RFX3: variants seen among roughly 807,000 people sequenced by gnomAD.
RFX3 encodes the protein regulatory factor X3, also known as transcription factor RFX3.
RFX3 carries 14 observed loss-of-function variants against 98.6 expected under a neutral mutation model. The ratio of observed to expected loss-of-function variants is 0.14; its 90% confidence interval spans 0.09 to 0.22. The LOEUF (loss-of-function observed/expected upper bound fraction) is 0.22, where lower values mean the gene tolerates loss of function less well. RFX3 is among the 10% of genes least tolerant of loss of function. The pLI, the probability that RFX3 is intolerant of heterozygous loss-of-function variation, is 1.00. For synonymous variants in RFX3, 383 were observed against 328.4 expected, an observed-to-expected ratio of 1.17 and a Z score of -1.80; for missense variants, 639 against 926.9, an observed-to-expected ratio of 0.69 and a Z score of 4.03.
intron 1 of RFX3, among the ~76,000 whole-genome samples, chr9:3,459,475 C>T (rs991462327): frequency 6.6e-6 from 1 of 152,050 alleles, no homozygotes. Context: ...ATAAAATTGG[C>T]GCAGTTACTG....
At chr9:3,330,572 A>C in intron 3 of RFX3, 55 bp from the exon 4 acceptor site, 1 of 1,491,566 alleles carries the variant, frequency 6.7e-7, no homozygotes, top group Non-Finnish European at 9.1e-7. Context: ...CATCTTATTA[A>C]TTTTTTTCTA....
chr9:3,397,560 GTAA>G (rs1287597670), intron 1 of RFX3, among the ~76,000 whole-genome samples: 2 of 152,052 alleles, frequency 1.3e-5, no homozygotes, highest in Non-Finnish European at 2.9e-5. Flanking sequence ...TTCTTATTTT[GTAA>G]ACGAGGAACC....
At chr9:3,442,414 T>C (rs1194110891) in intron 1 of RFX3, among the ~76,000 whole-genome samples, 1 of 152,032 alleles carries the variant, frequency 6.6e-6, no homozygotes, top group East Asian at 1.9e-4. Context: ...AAAAAGTATC[T>C]GGCCAGTACT....
intron 1 of RFX3, among the ~76,000 whole-genome samples, chr9:3,428,093 T>C (rs1185231143): frequency 6.6e-6 from 1 of 152,166 alleles, no homozygotes; most frequent in Non-Finnish European, 1.5e-5. Flanking sequence ...CTGTCTGTTG[T>C]CCAACATGTG....
intron 2 of RFX3, 60 bp downstream of exon 2, chr9:3,395,412 T>A: frequency 2.5e-6 from 4 of 1,590,786 alleles, no homozygotes; most frequent in Non-Finnish European, 3.4e-6. Flanking sequence ...GATACAGGTA[T>A]GTTGGACAGC....
chr9:3,428,120 ATTTTGTTCAGTTTT>A (rs1844293471), intron 1 of RFX3, among the ~76,000 whole-genome samples: 1 of 152,070 alleles, frequency 6.6e-6, no homozygotes, highest in Admixed American at 6.6e-5. Context: ...TGCCTCATAT[ATTTTGTTCAGTTTT>A]ATCACTGTTT....
intron 2 of RFX3, among the ~76,000 whole-genome samples, chr9:3,370,405 A>C (rs1837706837): frequency 6.6e-6 from 1 of 151,870 alleles, no homozygotes; most frequent in Non-Finnish European, 1.5e-5. Context: ...TCTGTGGTTC[A>C]AAACAGTCTT....
intron 11 of RFX3, 21 bp from the exon 12 acceptor site, chr9:3,266,326 G>A (rs757837789): frequency 1.3e-6 from 2 of 1,506,186 alleles, no homozygotes; most frequent in Admixed American, 3.5e-5. Flanking sequence ...AAGAATAAAA[G>A]CAGGATAAAA....
chr9:3,358,656 A>G (rs1836051574), intron 2 of RFX3, among the ~76,000 whole-genome samples: 1 of 152,108 alleles, frequency 6.6e-6, no homozygotes, highest in African/African-American at 2.4e-5. Flanking sequence ...CGGTAACACC[A>G]TTTTTATTAT....
intron 14 of RFX3, among the ~76,000 whole-genome samples, chr9:3,254,971 T>A (rs1419117777): frequency 1.3e-5 from 2 of 152,158 alleles, no homozygotes; most frequent in African/African-American, 4.8e-5. Context: ...GTGTTAAATA[T>A]ATGAGAGGCA....
At chr9:3,414,625 C>T (rs930536687) in intron 1 of RFX3, among the ~76,000 whole-genome samples, 13 of 118,340 alleles carry the variant, frequency 1.1e-4, no homozygotes, top group African/African-American at 2.1e-4. Flanking sequence ...CTGCAATATA[C>T]GAGTGTATAT....
chr9:3,342,447 C>T (rs1833993599), intron 3 of RFX3, among the ~76,000 whole-genome samples: 1 of 152,066 alleles, frequency 6.6e-6, no homozygotes, highest in South Asian at 2.1e-4. Context: ...AACAGATATC[C>T]ATACAATGCA....
intron 14 of RFX3, among the ~76,000 whole-genome samples, chr9:3,249,530 T>C (rs1821109559): frequency 6.6e-6 from 1 of 152,164 alleles, no homozygotes; most frequent in Non-Finnish European, 1.5e-5. Context: ...TATTCAAATA[T>C]AAGTGATTGT....
Position 3,456,920 on chromosome 9 carries a change from G to A in RFX3, c.-8-61324C>T, listed in dbSNP as rs995027633. ...TCCCAGCACTCTGGGAGGCTGAGGC[G>A]GGTGGATCATGAGGTCAAGAGATCG... is the stretch of plus-strand genomic sequence containing the variant. On this transcript the variant is annotated intron_variant, in intron 1 of 16. Coordinates refer to ENST00000617270, the MANE Select transcript of RFX3 (RefSeq NM_001282116.2). 4.0e-5 allele frequency among the ~76,000 whole-genome samples: 6 copies of A among 151,700 alleles called. No homozygotes were observed. In the South Asian group the frequency reaches 8.3e-4, roughly 21 times the overall value.
At chr9:3,488,461 A>G (rs1850456933) in intron 1 of RFX3, among the ~76,000 whole-genome samples, 1 of 152,194 alleles carries the variant, frequency 6.6e-6, no homozygotes, top group Admixed American at 6.5e-5. Flanking sequence ...ACTCAGTGAT[A>G]AGGGAAAAGA....
At chr9:3,521,150 A>C (rs1482044336) in intron 1 of RFX3, among the ~76,000 whole-genome samples, 1 of 152,208 alleles carries the variant, frequency 6.6e-6, no homozygotes, top group Non-Finnish European at 1.5e-5. Context: ...AATCATATGA[A>C]ATTTAAGAAG....
chr9:3,519,847 A>G (rs1033112562), intron 1 of RFX3, among the ~76,000 whole-genome samples: 1 of 152,204 alleles, frequency 6.6e-6, no homozygotes, highest in Non-Finnish European at 1.5e-5. Flanking sequence ...AAAAACTACA[A>G]ATATAAAGAT....
chr9:3,326,756 C>T (rs754091545), intron 4 of RFX3, among the ~76,000 whole-genome samples: 3 of 152,104 alleles, frequency 2.0e-5, no homozygotes, highest in Non-Finnish European at 4.4e-5. Context: ...CACATCAAGG[C>T]AACTATTCTA....
At chr9:3,385,002 A>T (rs1839556621) in intron 2 of RFX3, among the ~76,000 whole-genome samples, 1 of 152,224 alleles carries the variant, frequency 6.6e-6, no homozygotes, top group South Asian at 2.1e-4. Flanking sequence ...TATAAATGAC[A>T]ATTTTGATTT....
Sources: gnomAD v4.1 joint callset for allele counts (sites outside exome capture counted in the v4.1 genomes callset) on GRCh38, gnomAD v4.1.1 for gene constraint, MANE v1.5 for transcripts, NCBI Gene and HGNC (gene_info 2026-07-23, HGNC 2026-07-21) for gene names.